FBXL2: variants seen among roughly 807,000 people sequenced by gnomAD.
The protein encoded by FBXL2 is F-box/LRR-repeat protein 2.
A neutral mutation model predicts 69.2 loss-of-function variants in FBXL2; 38 were observed. The ratio of observed to expected loss-of-function variants is 0.55; its 90% CI spans 0.42 to 0.72. The LOEUF is 0.72. Ranked by LOEUF, FBXL2 falls within the 30% of genes least tolerant of loss-of-function variation. The pLI is 0.00. For missense variants in FBXL2, 354 were observed against 520.3 expected, an observed-to-expected ratio of 0.68 and a Z score of 3.11; for synonymous variants, 192 against 201.3, an observed-to-expected ratio of 0.95 and a Z score of 0.39.
At chr3:33,285,250 T>A (rs1471314219) in intron 1 of FBXL2, among the ~76,000 whole-genome samples, 1 of 152,226 alleles carries the variant, frequency 6.6e-6, no homozygotes, top group Non-Finnish European at 1.5e-5. Context: ...TGACAAAATC[T>A]CTCAGCATTT....
intron 5 of FBXL2, among the ~76,000 whole-genome samples, chr3:33,370,190 G>A (rs566016365): frequency 1.1e-4 from 17 of 151,928 alleles, no homozygotes; most frequent in Middle Eastern, 3.4e-3. Flanking sequence ...TGAGGCGGGC[G>A]GATCATGAGG....
At chr3:33,354,196 C>A (rs1221437183) in intron 2 of FBXL2, among the ~76,000 whole-genome samples, 1 of 151,988 alleles carries the variant, frequency 6.6e-6, no homozygotes, top group African/African-American at 2.4e-5. Flanking sequence ...TAGTAACTCT[C>A]TATACTACTT....
At chr3:33,408,894 G>C in the FBXL2 span, 1 of 1,111,544 alleles carries the variant, frequency 9.0e-7, no homozygotes, top group Middle Eastern at 2.0e-4. Flanking sequence ...TTAAACAAAT[G>C]CATGACTAAC....
chr3:33,312,535 G>A (rs2037305860), intron 2 of FBXL2, among the ~76,000 whole-genome samples: 1 of 152,126 alleles, frequency 6.6e-6, no homozygotes, highest in Non-Finnish European at 1.5e-5. Flanking sequence ...TGGCAGAGTG[G>A]CTTTAGCAGG....
At position 33,387,370 on chromosome 3, in the gene FBXL2, G is replaced by A. The variant is rs1448631449; in HGVS notation, c.*1762G>A. 2 of 152,254 alleles carry A rather than the reference G, an allele frequency of 1.3e-5. No individual in the cohort carries two copies. Among genetic ancestry groups the A allele is most frequent in the Non-Finnish European group, 2.9e-5 (2 of 68,068 alleles). 9.4% of individuals were successfully genotyped at this position (152,254 alleles called of 1,614,324 possible). On this transcript the variant is annotated 3_prime_UTR_variant, in exon 15 of 15. Coordinates refer to ENST00000484457, the MANE Select transcript of FBXL2 (RefSeq NM_012157.5). ...TAATCCCAGCACTTGGGGAGGCCAA[G>A]GCGGGTGGATCACCTGAGGTCAGGA...
chr3:33,401,483 T>C (rs590497), intron 12 of FBXL2, among the ~76,000 whole-genome samples: 109,819 of 152,056 alleles, frequency 0.72, 40,574 homozygotes, highest in Non-Finnish European at 0.82. Context: ...ATATCCAAGA[T>C]TGATGAGGGT....
upstream of FBXL2, chr3:33,277,432 C>G: frequency 1.7e-5 from 21 of 1,245,234 alleles, no homozygotes; most frequent in Non-Finnish European, 1.9e-5. Context: ...GGGCGGGGCG[C>G]CTGGCTGGCG....
intron 1 of FBXL2, among the ~76,000 whole-genome samples, chr3:33,296,067 T>G (rs2035721979): frequency 6.6e-6 from 1 of 152,108 alleles, no homozygotes; most frequent in Non-Finnish European, 1.5e-5. Context: ...GTCTTTTGTT[T>G]GTTTGTTTGT....
intron 1 of FBXL2, 119 bp downstream of exon 1, chr3:33,277,634 G>A (rs951513158): frequency 4.3e-5 from 46 of 1,072,242 alleles, no homozygotes; most frequent in Non-Finnish European, 5.4e-5. Context: ...AGGCCGGGCC[G>A]CGGCCTGCGA....
chr3:33,285,419 C>G (rs966900683), intron 1 of FBXL2, among the ~76,000 whole-genome samples: 8 of 152,222 alleles, frequency 5.3e-5, no homozygotes, highest in African/African-American at 1.7e-4. Flanking sequence ...CGCTGTTAGT[C>G]TGATGGGCTT....
chr3:33,383,471 T>A (rs990846082), intron 13 of FBXL2: 78 of 169,902 alleles, frequency 4.6e-4, no homozygotes, highest in African/African-American at 1.7e-3. Context: ...ATCACACTGT[T>A]CAAGGTCTAT....
intron 2 of FBXL2, among the ~76,000 whole-genome samples, chr3:33,312,419 C>T (rs2037295470): frequency 6.6e-6 from 1 of 152,134 alleles, no homozygotes; most frequent in Admixed American, 6.5e-5. Context: ...GTTACTGGTG[C>T]TTTATTTTGT....
chr3:33,393,901 C>T (rs988165895), intron 12 of FBXL2, among the ~76,000 whole-genome samples: 5 of 152,146 alleles, frequency 3.3e-5, no homozygotes, highest in African/African-American at 7.2e-5. Context: ...TATATACTTA[C>T]AATGGGAGGA....
chr3:33,334,913 T>A (rs1037810920), intron 2 of FBXL2, among the ~76,000 whole-genome samples: 6 of 151,950 alleles, frequency 3.9e-5, no homozygotes, highest in African/African-American at 1.5e-4. Flanking sequence ...AAACCCCATC[T>A]GTACCAAAAA....
the FBXL2 span, chr3:33,409,662 T>A: frequency 6.2e-7 from 1 of 1,607,160 alleles, no homozygotes; most frequent in East Asian, 2.2e-5. Context: ...TTTTCTATTT[T>A]GTTCCCTCTT....
the FBXL2 span, chr3:33,416,727 T>C: frequency 6.6e-7 from 1 of 1,509,252 alleles, no homozygotes; most frequent in East Asian, 2.3e-5. Context: ...CACAGCAATA[T>C]CCATTGGGAA....
intron 12 of FBXL2, among the ~76,000 whole-genome samples, chr3:33,399,422 A>G (rs138951539): frequency 2.0e-4 from 31 of 152,340 alleles, no homozygotes; most frequent in Non-Finnish European, 2.2e-4. Context: ...AAACTTACCC[A>G]TAAGTATATA....
intron 4 of FBXL2, 71 bp downstream of exon 4, chr3:33,359,428 T>G (rs2041455275): frequency 9.7e-7 from 1 of 1,035,560 alleles, no homozygotes; most frequent in African/African-American, 1.6e-5. Flanking sequence ...TCCTGACTTT[T>G]TATTTTACTG....
At chr3:33,302,593 A>AAATT (rs1485876865) in intron 2 of FBXL2, among the ~76,000 whole-genome samples, 1 of 152,228 alleles carries the variant, frequency 6.6e-6, no homozygotes, top group African/African-American at 2.4e-5. Flanking sequence ...AAACAGCTTA[A>AAATT]AACATCCTGA....
Sources: gnomAD v4.1 joint callset for allele counts (sites outside exome capture counted in the v4.1 genomes callset) on GRCh38, gnomAD v4.1.1 for gene constraint, MANE v1.5 for transcripts, NCBI Gene and HGNC (gene_info 2026-07-23, HGNC 2026-07-21) for gene names.